The following CDK6 variants were observed in gnomAD, a reference collection of about 807,000 sequenced individuals.
The protein encoded by CDK6 is cyclin-dependent kinase 6.
CDK6 carries 6 observed loss-of-function variants against 37.1 expected under a neutral mutation model. The ratio of observed to expected loss-of-function variants is 0.16; its 90% confidence interval spans 0.09 to 0.32. The LOEUF (loss-of-function observed/expected upper bound fraction) is 0.32, where lower values mean the gene tolerates loss of function less well. Among genes scored for constraint, CDK6 ranks in the 10% least tolerant of loss-of-function variants. The pLI is 1.00. For synonymous variants in CDK6, 160 were observed against 161.3 expected, an observed-to-expected ratio of 0.99 and a Z score of 0.06; for missense variants, 224 against 418.9, an observed-to-expected ratio of 0.53 and a Z score of 4.06.
chr7:92,661,656 C>T (rs1796837743), intron 5 of CDK6, among the ~76,000 whole-genome samples: 2 of 152,118 alleles, frequency 1.3e-5, no homozygotes, highest in African/African-American at 4.8e-5. Flanking sequence ...CTCATCTTCA[C>T]ATTGAATAGG....
chr7:92,740,176 A>G (rs540891329), intron 3 of CDK6, among the ~76,000 whole-genome samples: 1 of 152,316 alleles, frequency 6.6e-6, no homozygotes, highest in Non-Finnish European at 1.5e-5. Flanking sequence ...CTTCCTAACT[A>G]TCTCTGGATT....
At chr7:92,637,992 C>T (rs569371617) in intron 5 of CDK6, among the ~76,000 whole-genome samples, 3 of 152,062 alleles carry the variant, frequency 2.0e-5, no homozygotes, top group East Asian at 3.9e-4. Flanking sequence ...AAGTATTTAA[C>T]GTATTACAAA....
intron 3 of CDK6, among the ~76,000 whole-genome samples, chr7:92,731,389 T>A (rs990841298): frequency 1.3e-5 from 2 of 152,088 alleles, no homozygotes; most frequent in Admixed American, 1.3e-4. Context: ...TTGTAATGGG[T>A]GAATTCAAAG....
intron 5 of CDK6, among the ~76,000 whole-genome samples, chr7:92,665,244 A>AAT (rs1796930542): frequency 6.6e-6 from 1 of 151,748 alleles, no homozygotes; most frequent in Admixed American, 6.6e-5. Context: ...ATAGTTAAAA[A>AAT]TCAATCTATC....
At chr7:92,695,798 A>G (rs1433212345) in intron 4 of CDK6, among the ~76,000 whole-genome samples, 1 of 152,194 alleles carries the variant, frequency 6.6e-6, no homozygotes, top group African/African-American at 2.4e-5. Flanking sequence ...GCAGGCTTTA[A>G]AAGTCTTTGC....
chr7:92,670,917 T>A (rs1357704099), intron 5 of CDK6, among the ~76,000 whole-genome samples: 1 of 152,252 alleles, frequency 6.6e-6, no homozygotes, highest in African/African-American at 2.4e-5. Context: ...CCTGAATATA[T>A]CTAATCTCTC....
intron 4 of CDK6, among the ~76,000 whole-genome samples, chr7:92,722,506 G>T (rs1052839381): frequency 7.9e-5 from 12 of 152,200 alleles, no homozygotes; most frequent in Non-Finnish European, 1.5e-5. Context: ...GCTACAGCAT[G>T]TATTAATAGC....
At chr7:92,618,340 A>G (rs1025104558) in intron 6 of CDK6, 133 bp from the exon 7 acceptor site, 7 of 771,160 alleles carry the variant, frequency 9.1e-6, no homozygotes, top group Non-Finnish European at 1.5e-5. Context: ...TCACTTTATC[A>G]CTGGCAGGGT....
In CDK6 at chr7:92,614,806, G is replaced by T; in HGVS notation, c.*334C>A. 2.9e-6 allele frequency: 1 copy of T among 349,802 alleles called. No individual in the cohort carries two copies. 21.7% of individuals were successfully genotyped at this position (349,802 alleles called of 1,614,324 possible). ...TTACATCATAACTCAGCTGTGCCTG[G>T]ATTACCCACTCCACACTGGCAGCAT... On this transcript the variant is annotated 3_prime_UTR_variant, in exon 8 of 8. Transcript: ENST00000424848.
chr7:92,763,880 C>T (rs1016859699), intron 3 of CDK6, among the ~76,000 whole-genome samples: 2 of 152,138 alleles, frequency 1.3e-5, no homozygotes, highest in African/African-American at 4.8e-5. Flanking sequence ...AAACTCCCTC[C>T]TGAGACTATG....
intron 4 of CDK6, among the ~76,000 whole-genome samples, chr7:92,715,282 A>G (rs1798201441): frequency 6.6e-6 from 1 of 150,584 alleles, no homozygotes; most frequent in Non-Finnish European, 1.5e-5. Flanking sequence ...CCAAACCTGA[A>G]GTAGTAGAGC....
chr7:92,614,970 A>G lies in CDK6; in HGVS notation c.*170T>C, dbSNP rs191254857. ...CTGCAATCACTCTTGCATTGATTTC[A>G]AAACAGTAAACTAGGCGGTTTCCTT... is the stretch of plus-strand genomic sequence containing the variant. On this transcript the variant is annotated 3_prime_UTR_variant, in exon 8 of 8. Transcript: ENST00000424848. 5.4e-4 allele frequency: 322 copies of G among 591,292 alleles called. No homozygotes were observed. The African/African-American group carries it at 5.6e-3, about 10-fold the overall frequency. The allele number at this position is 591,292 out of a possible 1,614,324, so 36.6% of individuals were successfully genotyped here.
chr7:92,678,778 G>A (rs1178654533), intron 4 of CDK6, among the ~76,000 whole-genome samples: 5 of 152,202 alleles, frequency 3.3e-5, no homozygotes, highest in Admixed American at 6.5e-5. Context: ...AAATGGACCT[G>A]TATCTGCCAT....
chr7:92,660,995 G>T (rs777326244), intron 5 of CDK6, among the ~76,000 whole-genome samples: 1 of 152,174 alleles, frequency 6.6e-6, no homozygotes, highest in African/African-American at 2.4e-5. Context: ...TGGGAGAAGG[G>T]AGATGAAGAG....
chr7:92,686,590 C>T (rs1369099939), intron 4 of CDK6, among the ~76,000 whole-genome samples: 1 of 152,130 alleles, frequency 6.6e-6, no homozygotes, highest in Admixed American at 6.5e-5. Context: ...GCTGCTATAA[C>T]ATGCATGTGC....
At chr7:92,625,173 A>G (rs144434091) in intron 5 of CDK6, among the ~76,000 whole-genome samples, 1 of 151,846 alleles carries the variant, frequency 6.6e-6, no homozygotes, top group East Asian at 1.9e-4. Flanking sequence ...TATCTCATCT[A>G]CTAGAATGCC....
intron 3 of CDK6, among the ~76,000 whole-genome samples, chr7:92,752,408 G>T (rs1451030024): frequency 6.6e-6 from 1 of 152,182 alleles, no homozygotes; most frequent in Non-Finnish European, 1.5e-5. Flanking sequence ...AGAGTAAACA[G>T]GGGATAAGTT....
At chr7:92,678,708 A>G (rs1313131072) in intron 4 of CDK6, among the ~76,000 whole-genome samples, 2 of 152,230 alleles carry the variant, frequency 1.3e-5, no homozygotes, top group African/African-American at 4.8e-5. Flanking sequence ...GCAGAAAAGC[A>G]TGGTATGAAC....
chr7:92,627,379 G>A (rs896198923), intron 5 of CDK6, among the ~76,000 whole-genome samples: 2 of 152,058 alleles, frequency 1.3e-5, no homozygotes, highest in Admixed American at 6.6e-5. Flanking sequence ...TAAGGTGATG[G>A]CATTAGGAAC....
Sources: allele counts gnomAD v4.1 joint callset (sites outside exome capture counted in the v4.1 genomes callset), GRCh38; gene constraint gnomAD v4.1.1; transcripts MANE v1.5; gene names NCBI Gene and HGNC (gene_info 2026-07-23, HGNC 2026-07-21).